Variants in ZNF385D observed in about 807,000 individuals in gnomAD.
ZNF385D encodes the protein zinc finger protein 659.
In ZNF385D, 15 loss-of-function variants were observed where a neutral mutation model predicts 35.8. That is an observed-to-expected ratio of 0.42 (90% CI 0.28 to 0.64). The LOEUF is 0.64. ZNF385D is among the 30% of genes least tolerant of loss of function. The pLI is 0.23. For synonymous variants in ZNF385D, 212 were observed against 186.8 expected (o/e 1.13, Z -1.10); for missense variants, 474 against 494.6 (o/e 0.96, Z 0.39).
intron 4 of ZNF385D, among the ~76,000 whole-genome samples, chr3:21,441,374 TG>T (rs1326740680): frequency 3.9e-5 from 6 of 152,168 alleles, no homozygotes; most frequent in Non-Finnish European, 8.8e-5. Flanking sequence ...TGGAGAAATT[TG>T]GGAACTTGCC....
intron 3 of ZNF385D, among the ~76,000 whole-genome samples, chr3:21,841,757 G>C (rs1010909420): frequency 2.6e-5 from 4 of 151,664 alleles, no homozygotes; most frequent in African/African-American, 7.3e-5. Context: ...CTTAATTTAG[G>C]AAGACCTTGA....
chr3:22,108,272 C>T (rs1576333826), intron 3 of ZNF385D, among the ~76,000 whole-genome samples: 1 of 152,196 alleles, frequency 6.6e-6, no homozygotes, highest in African/African-American at 2.4e-5. Context: ...TCATTTTAAT[C>T]CACAATTTTG....
At chr3:22,248,129 T>C (rs1699885002) in intron 2 of ZNF385D, among the ~76,000 whole-genome samples, 2 of 152,196 alleles carry the variant, frequency 1.3e-5, no homozygotes, top group Non-Finnish European at 2.9e-5. Context: ...TTCTGTTTTC[T>C]GGCATCAGGC....
chr3:21,875,808 A>G (rs1164942507), intron 3 of ZNF385D, among the ~76,000 whole-genome samples: 1 of 138,618 alleles, frequency 7.2e-6, no homozygotes. Context: ...CTCTATTTGT[A>G]CAGCTCTTAT....
At chr3:22,135,089 A>G (rs7613761) in intron 3 of ZNF385D, among the ~76,000 whole-genome samples, 139,848 of 152,216 alleles carry the variant, frequency 0.92, 64,407 homozygotes, top group African/African-American at 0.98. Context: ...CAAACACCTG[A>G]TTAGCCACTT....
chr3:21,703,905 A>G (rs187424350), intron 1 of ZNF385D, among the ~76,000 whole-genome samples: 6 of 152,280 alleles, frequency 3.9e-5, no homozygotes, highest in African/African-American at 1.4e-4. Context: ...AGCACTATGC[A>G]AGTATTCCTT....
At chr3:21,707,957 C>G (rs1047329234) in intron 1 of ZNF385D, among the ~76,000 whole-genome samples, 11 of 152,260 alleles carry the variant, frequency 7.2e-5, no homozygotes, top group Middle Eastern at 3.4e-3. Context: ...GAGCTGGGAA[C>G]AGACAGCTGG....
chr3:21,810,994 G>GTATATATA (rs1426874955), intron 3 of ZNF385D, among the ~76,000 whole-genome samples: 128 of 108,560 alleles, frequency 1.2e-3, no homozygotes, highest in African/African-American at 2.5e-3. Flanking sequence ...GTGTGTGTGT[G>GTATATATA]TGTGTATATA....
intron 3 of ZNF385D, among the ~76,000 whole-genome samples, chr3:21,997,290 T>C (rs1203556507): frequency 2.6e-5 from 4 of 152,034 alleles, no homozygotes; most frequent in South Asian, 2.1e-4. Context: ...TAGGTGGGAA[T>C]TGAACAATGA....
intron 2 of ZNF385D, among the ~76,000 whole-genome samples, chr3:22,215,990 C>A (rs919424584): frequency 6.6e-6 from 1 of 151,948 alleles, no homozygotes; most frequent in Non-Finnish European, 1.5e-5. Context: ...GAATTTCCCC[C>A]AATAGCTATG....
At chr3:21,709,687 G>A (rs1391173456) in intron 1 of ZNF385D, among the ~76,000 whole-genome samples, 6 of 152,108 alleles carry the variant, frequency 3.9e-5, no homozygotes, top group African/African-American at 1.4e-4. Context: ...AGATAAGAGG[G>A]ACGCCTCTAT....
intron 2 of ZNF385D, among the ~76,000 whole-genome samples, chr3:22,231,782 G>A (rs1298667525): frequency 6.6e-6 from 1 of 152,098 alleles, no homozygotes; most frequent in African/African-American, 2.4e-5. Flanking sequence ...AATTCCCAAT[G>A]TTGAAGGTGG....
At chr3:21,857,007 G>C (rs945795146) in intron 3 of ZNF385D, among the ~76,000 whole-genome samples, 1 of 151,984 alleles carries the variant, frequency 6.6e-6, no homozygotes, top group South Asian at 2.1e-4. Flanking sequence ...ACCTAAGAAG[G>C]GTTCTATTCG....
chr3:22,353,743 A>T (rs536103198), intron 2 of ZNF385D, among the ~76,000 whole-genome samples: 2 of 152,188 alleles, frequency 1.3e-5, no homozygotes, highest in South Asian at 4.2e-4. Context: ...CTTTAACTAG[A>T]GCAATCTTAC....
intron 3 of ZNF385D, among the ~76,000 whole-genome samples, chr3:22,097,371 G>C (rs1322986167): frequency 6.6e-6 from 1 of 151,998 alleles, no homozygotes; most frequent in Admixed American, 6.6e-5. Context: ...AAAGGGCTTT[G>C]AGGGGAGTAT....
chr3:21,940,699 A>T (rs187415678), intron 3 of ZNF385D, among the ~76,000 whole-genome samples: 1 of 152,206 alleles, frequency 6.6e-6, no homozygotes, highest in African/African-American at 2.4e-5. Flanking sequence ...AATAAAAAGT[A>T]TAAGTTAGGC....
chr3:21,570,295 T>C (rs1332280882), intron 2 of ZNF385D, among the ~76,000 whole-genome samples: 1 of 152,134 alleles, frequency 6.6e-6, no homozygotes, highest in East Asian at 1.9e-4. Flanking sequence ...AGGTTTTCCC[T>C]CACCTCCCCT....
At chr3:21,794,128 T>C (rs2072044361) in intron 3 of ZNF385D, among the ~76,000 whole-genome samples, 2 of 152,150 alleles carry the variant, frequency 1.3e-5, no homozygotes, top group African/African-American at 4.8e-5. Context: ...CTTATGTGCG[T>C]AGCAAAATTT....
rs1053032606 is a variant in ZNF385D at position 22,101,629 on chromosome 3, G to A, written c.325+67188C>T. ...AATAGGAACTGACACATTTAATTTC[G>A]CCAACTATAGCTACTAATAGAACAA... On this transcript the variant is annotated intron_variant, in intron 3 of 5. Transcript: ENST00000494108. 5.9e-5 allele frequency among the ~76,000 whole-genome samples: 9 copies of A among 151,846 alleles called. No homozygotes were observed. The South Asian group carries it at 1.0e-3, about 18-fold the overall frequency.
Sources: allele counts gnomAD v4.1 joint callset (sites outside exome capture counted in the v4.1 genomes callset), GRCh38; gene constraint gnomAD v4.1.1; transcripts MANE v1.5; gene names NCBI Gene and HGNC (gene_info 2026-07-23, HGNC 2026-07-21).